AFG3L2: variants seen among roughly 807,000 people sequenced by gnomAD.
AFG3L2 encodes AFG3 like matrix AAA peptidase subunit 2, also known as mitochondrial inner membrane m-AAA protease component AFG3L2.
AFG3L2 carries 54 observed loss-of-function variants against 94.5 expected under a neutral mutation model. The observed-to-expected ratio is 0.57, with a 90% confidence interval of 0.46 to 0.72. The LOEUF is 0.72. AFG3L2 is among the 30% of genes least tolerant of loss of function. AFG3L2 has a pLI of 0.00. For synonymous variants in AFG3L2, 377 were observed against 365.5 expected (o/e 1.03, Z -0.36); for missense variants, 754 against 994.9 (o/e 0.76, Z 3.26).
chr18:12,347,578 A>T (rs1473902424), intron 13 of AFG3L2, among the ~76,000 whole-genome samples: 1 of 148,302 alleles, frequency 6.7e-6, no homozygotes, highest in Non-Finnish European at 1.5e-5. Flanking sequence ...TGAGACAGAG[A>T]CTTACTCTGC....
intron 16 of AFG3L2, among the ~76,000 whole-genome samples, chr18:12,333,042 TC>T (rs1907608988): frequency 7.0e-5 from 3 of 42,736 alleles, no homozygotes; most frequent in African/African-American, 6.5e-5. Flanking sequence ...AAATATATAA[TC>T]TATTATATAA....
chr18:12,337,826 G>A (rs1598821196), intron 15 of AFG3L2, among the ~76,000 whole-genome samples: 2 of 152,090 alleles, frequency 1.3e-5, no homozygotes, highest in African/African-American at 4.8e-5. Flanking sequence ...CTATAGTGCA[G>A]TGGCACCATC....
At chr18:12,345,021 T>C (rs1266141644) in intron 13 of AFG3L2, among the ~76,000 whole-genome samples, 1 of 152,246 alleles carries the variant, frequency 6.6e-6, no homozygotes, top group East Asian at 1.9e-4. Flanking sequence ...CATAAGACAC[T>C]ACCTGCTGTC....
chr18:12,331,275 G>A (rs1045885258), intron 16 of AFG3L2, among the ~76,000 whole-genome samples: 3 of 152,112 alleles, frequency 2.0e-5, no homozygotes, highest in African/African-American at 7.2e-5. Flanking sequence ...CCTGCACGAC[G>A]ACAAAATCAA....
intron 1 of AFG3L2, among the ~76,000 whole-genome samples, chr18:12,372,586 C>CA (rs1474585987): frequency 6.6e-6 from 1 of 152,168 alleles, no homozygotes; most frequent in Non-Finnish European, 1.5e-5. Context: ...AATATGCACA[C>CA]AAATGTTCAC....
chr18:12,369,231 T>C lies in AFG3L2; in HGVS notation c.292+1618A>G, dbSNP rs907482397. Among the ~76,000 whole-genome samples the C allele has an allele frequency of 5.9e-5, 9 of 152,138 alleles. 1 individual carries two copies. Among genetic ancestry groups the C allele is most frequent in the Admixed American group, 5.9e-4 (9 of 15,272 alleles). On this transcript the variant is annotated intron_variant, in intron 3 of 16. Coordinates refer to ENST00000269143, the MANE Select transcript of AFG3L2 (RefSeq NM_006796.3). ...AAGCAACCCAAAAGCTTGCATGGGTTATCATTACTCGGCCCCCACACCAAG... is the reference window on the plus strand; with the variant it reads ...AAGCAACCCAAAAGCTTGCATGGGTCATCATTACTCGGCCCCCACACCAAG...
chr18:12,329,012 TCATA>T lies in AFG3L2; in HGVS notation c.*549_*552del. 1 of 618,716 alleles carries T rather than the reference TCATA, an allele frequency of 1.6e-6. No homozygotes were observed. The allele number at this position is 618,716 out of a possible 1,614,324, so 38.3% of individuals were successfully genotyped here. A position where few individuals can be genotyped will look rare whatever the true frequency, so the allele number is the denominator to read the frequency against. Reference sequence around the variant, plus strand: ...AAGAAGCCATATTTACATAATACATTCATATTTTTAAGTATGTTACAGCTCCTGT... The same window carrying T: ...AAGAAGCCATATTTACATAATACATTTTTTTAAGTATGTTACAGCTCCTGT... On this transcript the variant is annotated 3_prime_UTR_variant, in exon 17 of 17. Transcript: ENST00000269143.
intron 16 of AFG3L2, among the ~76,000 whole-genome samples, chr18:12,333,002 TATA>T (rs1488399225): frequency 2.3e-5 from 1 of 43,672 alleles, no homozygotes. Flanking sequence ...ATAAATTATA[TATA>T]ATATAAAATA....
intron 14 of AFG3L2, chr18:12,340,919 CT>C (rs11344408): frequency 0.66 from 94,281 of 143,644 alleles, 31,434 homozygotes; most frequent in Non-Finnish European, 0.75. Context: ...AATGGCTTTT[CT>C]TTTTTTTTTT....
At chr18:12,345,752 A>C (rs1441750791) in intron 13 of AFG3L2, among the ~76,000 whole-genome samples, 1 of 152,204 alleles carries the variant, frequency 6.6e-6, no homozygotes, top group Admixed American at 6.5e-5. Context: ...CTTAACCTAA[A>C]AAAAAGGCAT....
At chr18:12,332,034 TGAG>T (rs1384057229) in intron 16 of AFG3L2, among the ~76,000 whole-genome samples, 1 of 151,540 alleles carries the variant, frequency 6.6e-6, no homozygotes, top group Non-Finnish European at 1.5e-5. Flanking sequence ...GACGGTATCA[TGAG>T]AAGAGGGAAC....
chr18:12,356,884 T>C, intron 8 of AFG3L2, 53 bp from the exon 9 acceptor site: 1 of 1,560,360 alleles, frequency 6.4e-7, no homozygotes, highest in Non-Finnish European at 8.8e-7. Context: ...GAAAAGTAAA[T>C]TGTGTATCCA....
chr18:12,369,327 A>C (rs912464172), intron 3 of AFG3L2, among the ~76,000 whole-genome samples: 1 of 152,002 alleles, frequency 6.6e-6, no homozygotes, highest in East Asian at 1.9e-4. Flanking sequence ...CGGGGCTGTC[A>C]CCAGCCCACA....
At chr18:12,336,609 G>A (rs1020712198) in intron 16 of AFG3L2, among the ~76,000 whole-genome samples, 2 of 152,200 alleles carry the variant, frequency 1.3e-5, no homozygotes, top group Admixed American at 1.3e-4. Flanking sequence ...CCCCTGTCTT[G>A]AGAAACTGGC....
Position 12,351,220 on chromosome 18 carries a change from T to C in AFG3L2, c.1427-10A>G. On this transcript the variant is annotated splice_polypyrimidine_tract_variant and intron_variant, in intron 11 of 16. Coordinates refer to ENST00000269143, the MANE Select transcript of AFG3L2 (RefSeq NM_006796.3). ...TTTATGTCTGGTGGTCCTTTAGAAA[T>C]CATTTTTAAGGAAAAGAAAATCATA... 6.2e-7 allele frequency: 1 copy of C among 1,614,058 alleles called. No homozygotes were observed. The highest frequency in any genetic ancestry group is 8.5e-7 in the Non-Finnish European group (1 of 1,180,002).
chr18:12,374,134 T>C (rs1344486480), intron 1 of AFG3L2, among the ~76,000 whole-genome samples: 1 of 152,222 alleles, frequency 6.6e-6, no homozygotes, highest in South Asian at 2.1e-4. Context: ...CAATAATCCG[T>C]GACTGAATTT....
At chr18:12,353,242 C>T (rs1908378784) in intron 9 of AFG3L2, 84 bp from the exon 10 acceptor site, 1 of 1,537,012 alleles carries the variant, frequency 6.5e-7, no homozygotes. Flanking sequence ...CGGCCGGGCA[C>T]AGTGGCTCAT....
At chr18:12,355,178 G>A (rs978369377) in intron 9 of AFG3L2, among the ~76,000 whole-genome samples, 1 of 147,864 alleles carries the variant, frequency 6.8e-6, no homozygotes, top group African/African-American at 2.5e-5. Context: ...CAGCCTGGGC[G>A]ACAGAGCAAG....
chr18:12,344,843 A>T (rs1230432023), intron 13 of AFG3L2, among the ~76,000 whole-genome samples: 1 of 152,138 alleles, frequency 6.6e-6, no homozygotes, highest in African/African-American at 2.4e-5. Flanking sequence ...CTCACTTTTA[A>T]GCCACACACC....
Sources: allele counts gnomAD v4.1 joint callset (sites outside exome capture counted in the v4.1 genomes callset), GRCh38; gene constraint gnomAD v4.1.1; transcripts MANE v1.5; gene names NCBI Gene and HGNC (gene_info 2026-07-23, HGNC 2026-07-21).